Variants in TENM3 observed in about 807,000 individuals in gnomAD.
The protein encoded by TENM3 is teneurin transmembrane protein 3.
A neutral mutation model predicts 255.1 loss-of-function variants in TENM3; 63 were observed. The observed-to-expected ratio is 0.25, with a 90% CI of 0.20 to 0.30. TENM3 has a LOEUF of 0.30. Ranked by LOEUF, TENM3 falls within the 10% of genes least tolerant of loss-of-function variation. TENM3 has a pLI of 1.00. For synonymous variants in TENM3, 1,306 were observed against 1,322.3 expected (o/e 0.99, Z 0.27); for missense variants, 2,929 against 3,461.1 (o/e 0.85, Z 3.86).
intron 3 of TENM3, among the ~76,000 whole-genome samples, chr4:182,455,369 A>G (rs1773780336): frequency 6.6e-6 from 1 of 151,800 alleles, no homozygotes; most frequent in African/African-American, 2.4e-5. Flanking sequence ...TCTTTAATCC[A>G]GCCTCCACAC....
At chr4:182,167,416 A>G (rs1019765517) in intron 1 of TENM3, among the ~76,000 whole-genome samples, 8 of 152,360 alleles carry the variant, frequency 5.3e-5, no homozygotes, top group African/African-American at 1.9e-4. Flanking sequence ...TTAAATACAT[A>G]TGAAATGCCT....
the TENM3 span, among the ~76,000 whole-genome samples, chr4:181,760,999 C>CACACATAT: frequency 6.9e-6 from 1 of 145,524 alleles, no homozygotes; most frequent in Admixed American, 6.9e-5. Flanking sequence ...CACACACACA[C>CACACATAT]ACACACACAC....
At chr4:181,820,742 A>G in the TENM3 span, among the ~76,000 whole-genome samples, 4 of 152,156 alleles carry the variant, frequency 2.6e-5, no homozygotes, top group Admixed American at 2.6e-4. Context: ...GAGATAGAGA[A>G]CAGGGGGTTG....
At chr4:181,653,086 C>T in the TENM3 span, among the ~76,000 whole-genome samples, 1 of 152,156 alleles carries the variant, frequency 6.6e-6, no homozygotes, top group Non-Finnish European at 1.5e-5. Context: ...GAGTTATTTA[C>T]CCGGAGCCTA....
At chr4:182,469,570 C>T (rs1305980634) in intron 3 of TENM3, among the ~76,000 whole-genome samples, 2 of 152,012 alleles carry the variant, frequency 1.3e-5, no homozygotes, top group African/African-American at 2.4e-5. Flanking sequence ...CAAAATGAGC[C>T]GGGCATGGTG....
chr4:181,904,828 G>T, the TENM3 span, among the ~76,000 whole-genome samples: 1 of 152,154 alleles, frequency 6.6e-6, no homozygotes, highest in South Asian at 2.1e-4. Flanking sequence ...CCCATGATGT[G>T]GGAGGGACCA....
At chr4:181,725,200 C>T in the TENM3 span, among the ~76,000 whole-genome samples, 1 of 152,138 alleles carries the variant, frequency 6.6e-6, no homozygotes, top group South Asian at 2.1e-4. Context: ...TTTTTAGCCT[C>T]CAAAATTCTG....
chr4:182,314,267 C>T (rs1762621373), intron 1 of TENM3, among the ~76,000 whole-genome samples: 1 of 151,844 alleles, frequency 6.6e-6, no homozygotes, highest in Non-Finnish European at 1.5e-5. Context: ...CGCCACTACA[C>T]TCCAGCCTGG....
At chr4:182,281,412 A>G (rs1459645450) in intron 1 of TENM3, among the ~76,000 whole-genome samples, 1 of 152,194 alleles carries the variant, frequency 6.6e-6, no homozygotes, top group African/African-American at 2.4e-5. Flanking sequence ...TCACTATTAC[A>G]TTAAATATAG....
the TENM3 span, among the ~76,000 whole-genome samples, chr4:181,757,430 G>A: frequency 5.9e-5 from 9 of 152,142 alleles, no homozygotes; most frequent in African/African-American, 2.2e-4. Flanking sequence ...AGTCCAAAAG[G>A]GAAGGTGTAA....
chr4:181,559,108 T>A, the TENM3 span, among the ~76,000 whole-genome samples: 4 of 151,846 alleles, frequency 2.6e-5, no homozygotes, highest in South Asian at 2.1e-4. Flanking sequence ...AAAAAAAAAA[T>A]GATATACAAT....
chr4:181,928,947 A>C, the TENM3 span, among the ~76,000 whole-genome samples: 1 of 152,236 alleles, frequency 6.6e-6, no homozygotes. Flanking sequence ...TAAGCGAAGA[A>C]GAAATAAAAT....
chr4:182,268,354 A>G (rs1759377166), intron 1 of TENM3, among the ~76,000 whole-genome samples: 1 of 152,150 alleles, frequency 6.6e-6, no homozygotes, highest in Non-Finnish European at 1.5e-5. Flanking sequence ...AAAGACCCTC[A>G]TACTTAGGCA....
the TENM3 span, among the ~76,000 whole-genome samples, chr4:181,822,948 A>T: frequency 6.6e-6 from 1 of 152,186 alleles, no homozygotes; most frequent in African/African-American, 2.4e-5. Context: ...TTAAGAGTGG[A>T]CATACAATCG....
At chr4:181,727,144 C>T in the TENM3 span, among the ~76,000 whole-genome samples, 2 of 152,150 alleles carry the variant, frequency 1.3e-5, no homozygotes, top group Admixed American at 1.3e-4. Context: ...CATTGGTGAT[C>T]AACTTAATGT....
chr4:181,720,312 A>T, the TENM3 span, among the ~76,000 whole-genome samples: 6 of 152,206 alleles, frequency 3.9e-5, no homozygotes, highest in African/African-American at 1.2e-4. Context: ...TTTTCCCATT[A>T]ATATTCTAAG....
chr4:182,669,253 T>C (rs1460889387), intron 6 of TENM3, among the ~76,000 whole-genome samples: 3 of 149,040 alleles, frequency 2.0e-5, no homozygotes, highest in East Asian at 2.1e-4. Context: ...TATATTATAA[T>C]ATCCATGTCA....
At chr4:181,740,834 A>C in the TENM3 span, among the ~76,000 whole-genome samples, 1 of 152,216 alleles carries the variant, frequency 6.6e-6, no homozygotes, top group African/African-American at 2.4e-5. Flanking sequence ...TGTTGCTTCC[A>C]CACATTGCCC....
chr4:181,996,029 A>G, the TENM3 span, among the ~76,000 whole-genome samples: 1 of 152,038 alleles, frequency 6.6e-6, no homozygotes. Flanking sequence ...GGCAAACTCA[A>G]TAACCCAGAG....
Sources: allele counts gnomAD v4.1 joint callset (sites outside exome capture counted in the v4.1 genomes callset), GRCh38; gene constraint gnomAD v4.1.1; transcripts MANE v1.5; gene names NCBI Gene and HGNC (gene_info 2026-07-23, HGNC 2026-07-21).